PTPN7: variants seen among roughly 807,000 people sequenced by gnomAD.
PTPN7 encodes the protein tyrosine-protein phosphatase non-receptor type 7.
Under a neutral mutation model 50.3 loss-of-function variants are expected in PTPN7, and 33 were observed. That is an observed-to-expected ratio of 0.66 (90% CI 0.50 to 0.88). PTPN7 has a LOEUF of 0.88. PTPN7 is among the 40% of genes least tolerant of loss of function. The pLI is 0.00. For synonymous variants in PTPN7, 185 were observed against 186.6 expected (o/e 0.99, Z 0.07); for missense variants, 412 against 475.4 (o/e 0.87, Z 1.24).
At chr1:202,149,200 C>T (rs1655660040) in intron 9 of PTPN7, among the ~76,000 whole-genome samples, 2 of 152,084 alleles carry the variant, frequency 1.3e-5, no homozygotes, top group Admixed American at 1.3e-4. Context: ...TGCTGCCCCT[C>T]AGATCTGCTG....
At chr1:202,154,448 G>T in intron 5 of PTPN7, 125 bp from the exon 6 acceptor site, 3 of 1,054,982 alleles carry the variant, frequency 2.8e-6, no homozygotes, top group Non-Finnish European at 4.0e-6. Context: ...ACGTACACAT[G>T]CACGAACACG....
upstream of PTPN7, chr1:202,161,007 C>T: frequency 7.0e-7 from 1 of 1,422,636 alleles, no homozygotes; most frequent in East Asian, 2.5e-5. Context: ...TTCTGCCCCA[C>T]AGCCCTCTCC....
rs376769605 is a variant in PTPN7 at position 202,160,489 on chromosome 1, C to T, written c.-53+56G>A. On this transcript the variant is annotated intron_variant, in intron 1 of 9. Transcript: ENST00000691036. This position sits in a 1 kb window ranked among gnomAD's most constrained non-coding sequence, Gnocchi z 4.8. ...TCCTAGAGATGCCCTCTTATATCCCCGGAGTTCGCACCCCCCGGGGCCACA... is the reference window on the plus strand; with the variant it reads ...TCCTAGAGATGCCCTCTTATATCCCTGGAGTTCGCACCCCCCGGGGCCACA... 7.6e-4 allele frequency: 1,136 copies of T among 1,491,286 alleles called. 18 individuals carry two copies. In the South Asian group the frequency reaches 0.012, roughly 16 times the overall value. 92.4% of individuals were successfully genotyped at this position (1,491,286 alleles called of 1,614,324 possible). A position where few individuals can be genotyped will look rare whatever the true frequency, so the allele number is the denominator to read the frequency against.
intron 7 of PTPN7, 130 bp from the exon 8 acceptor site, chr1:202,152,829 G>T: frequency 9.0e-7 from 1 of 1,108,596 alleles, no homozygotes; most frequent in Non-Finnish European, 1.3e-6. Context: ...AGCAAGCTAG[G>T]TTGCAATTTT....
chr1:202,148,847 CT>C (rs10652170), intron 9 of PTPN7, 148 bp from the exon 10 acceptor site: 5,823 of 136,678 alleles, frequency 0.043, 3 homozygotes, highest in Middle Eastern at 0.055. Flanking sequence ...CATCTTTTCA[CT>C]TTTTTTTTTT....
At position 202,154,303 on chromosome 1, in the gene PTPN7, C is replaced by T. The variant is rs765930531; in HGVS notation, c.489G>A (p.Lys163=). ...NYIRGYDGKE[K]VYIATQGPMP... Reference sequence around the variant, plus strand: ...TGGGGCCCTGGGTGGCAATGTAGACCTTCTCCTTCCCGTCATAGCCCTGGA... The same window carrying T: ...TGGGGCCCTGGGTGGCAATGTAGACTTTCTCCTTCCCGTCATAGCCCTGGA... Residue 163 remains lysine, a synonymous_variant, in exon 6 of 10, where the codon AAG becomes AAA. Coordinates refer to ENST00000691036, the MANE Select transcript of PTPN7 (RefSeq NM_002832.4). 1.2e-6 allele frequency: 2 copies of T among 1,613,592 alleles called. No individual in the cohort carries two copies. The highest frequency in any genetic ancestry group is 1.7e-5 in the Admixed American group (1 of 59,986).
At chr1:202,154,610 C>A (rs907189846) in intron 5 of PTPN7, among the ~76,000 whole-genome samples, 9 of 152,204 alleles carry the variant, frequency 5.9e-5, no homozygotes, top group African/African-American at 9.7e-5. Flanking sequence ...ATAATAATAT[C>A]TATCTTGTAG....
chr1:202,150,141 A>G, intron 9 of PTPN7, 170 bp downstream of exon 9: 1 of 595,996 alleles, frequency 1.7e-6, no homozygotes, highest in South Asian at 2.0e-5. Flanking sequence ...CCATCCAGAT[A>G]GATATTTTTT....
intron 8 of PTPN7, among the ~76,000 whole-genome samples, chr1:202,151,493 A>C (rs748492517): frequency 6.6e-6 from 1 of 152,242 alleles, no homozygotes; most frequent in Middle Eastern, 3.4e-3. Context: ...TAATATCCCC[A>C]TCACAGCTCT....
upstream of PTPN7, chr1:202,160,774 G>C: frequency 6.4e-7 from 1 of 1,550,792 alleles, no homozygotes; most frequent in Non-Finnish European, 8.7e-7. This position sits in a 1 kb window ranked among gnomAD's most constrained non-coding sequence, Gnocchi z 4.8. Context: ...CCCGTTCCCT[G>C]GGAATGGGTG....
chr1:202,148,765 C>A, intron 9 of PTPN7, 66 bp from the exon 10 acceptor site: 1 of 1,333,182 alleles, frequency 7.5e-7, no homozygotes, highest in Non-Finnish European at 1.0e-6. Flanking sequence ...TGGCTCCAGT[C>A]AAACATCCCT....
intron 8 of PTPN7, among the ~76,000 whole-genome samples, chr1:202,152,113 G>A (rs570716758): frequency 4.6e-5 from 7 of 152,334 alleles, no homozygotes; most frequent in African/African-American, 1.7e-4. Context: ...TTTTCACCAT[G>A]TTGGCCAGGC....
Position 202,159,234 on chromosome 1 carries a change from A to G in PTPN7, c.122+47T>C. 2 of 1,577,152 alleles carry G rather than the reference A, an allele frequency of 1.3e-6. No homozygotes were observed. The highest frequency in any genetic ancestry group is 1.7e-6 in the Non-Finnish European group (2 of 1,149,582). On this transcript the variant is annotated intron_variant, in intron 2 of 9. Coordinates refer to ENST00000691036, the MANE Select transcript of PTPN7 (RefSeq NM_002832.4). This position sits in a 1 kb window ranked among gnomAD's most constrained non-coding sequence, Gnocchi z 4.6. ...CAGATGGAAGGAAGGGAGGAGCGGA[A>G]TGGGGGCTCAGGGCTCGGAAGACCC...
intron 4 of PTPN7, among the ~76,000 whole-genome samples, chr1:202,155,872 G>A (rs561824037): frequency 2.2e-3 from 338 of 152,280 alleles, no homozygotes; most frequent in Non-Finnish European, 3.9e-3. Flanking sequence ...TGATACTTTT[G>A]TCTCAGCCTT....
Position 202,159,653 on chromosome 1 carries a change from C to A in PTPN7, c.-52-199G>T, listed in dbSNP as rs565098969. 1.4e-6 allele frequency: 2 copies of A among 1,435,184 alleles called. No individual in the cohort carries two copies. The highest frequency in any genetic ancestry group is 1.4e-5 in the African/African-American group (1 of 70,296). 88.9% of individuals were successfully genotyped at this position (1,435,184 alleles called of 1,614,324 possible). ...AGAAGGCAGTCTCGGGGTAGAGTAA[C>A]GGCAAGATAAAGGGTAGAGATTGTG... On this transcript the variant is annotated intron_variant, in intron 1 of 9. Coordinates refer to ENST00000691036, the MANE Select transcript of PTPN7 (RefSeq NM_002832.4). This position sits in a 1 kb window ranked among gnomAD's most constrained non-coding sequence, Gnocchi z 4.6.
At position 202,159,649 on chromosome 1, in the gene PTPN7, G is replaced by C; in HGVS notation, c.-52-195C>G. On this transcript the variant is annotated intron_variant, in intron 1 of 9. Transcript: ENST00000691036. This position sits in a 1 kb window ranked among gnomAD's most constrained non-coding sequence, Gnocchi z 4.6. Reference sequence around the variant, plus strand: ...GGGCAGAAGGCAGTCTCGGGGTAGAGTAACGGCAAGATAAAGGGTAGAGAT... The same window carrying C: ...GGGCAGAAGGCAGTCTCGGGGTAGACTAACGGCAAGATAAAGGGTAGAGAT... 1 of 1,451,176 alleles carries C rather than the reference G, an allele frequency of 6.9e-7. No homozygotes were observed. Among genetic ancestry groups the C allele is most frequent in the Non-Finnish European group, 9.0e-7 (1 of 1,105,242 alleles). 89.9% of individuals were successfully genotyped at this position (1,451,176 alleles called of 1,614,324 possible). A position where few individuals can be genotyped will look rare whatever the true frequency, so the allele number is the denominator to read the frequency against.
At chr1:202,153,679 T>C (rs763392193) in intron 7 of PTPN7, 46 bp downstream of exon 7, 1 of 1,493,482 alleles carries the variant, frequency 6.7e-7, no homozygotes, top group Admixed American at 1.7e-5. Context: ...AGAGATGCTG[T>C]GGGCGGCCCA....
intron 5 of PTPN7, among the ~76,000 whole-genome samples, chr1:202,155,062 G>A (rs995524311): frequency 6.6e-5 from 10 of 152,188 alleles, no homozygotes; most frequent in Admixed American, 3.3e-4. Flanking sequence ...AGAAGCTGGC[G>A]TGGAACACCC....
intron 9 of PTPN7, among the ~76,000 whole-genome samples, chr1:202,149,604 G>A (rs1169342754): frequency 1.3e-5 from 2 of 151,610 alleles, no homozygotes; most frequent in Non-Finnish European, 2.9e-5. Flanking sequence ...ACTAGTCTGG[G>A]CAACATAGTG....
Sources: gnomAD v4.1 joint callset for allele counts (sites outside exome capture counted in the v4.1 genomes callset) on GRCh38, gnomAD v4.1.1 for gene constraint, Gnocchi (gnomAD v3.1) non-coding constraint, MANE v1.5 for transcripts, NCBI Gene and HGNC (gene_info 2026-07-23, HGNC 2026-07-21) for gene names.